TAFA4: variants seen among roughly 807,000 people sequenced by gnomAD.
TAFA4 encodes the protein chemokine-like protein TAFA-4.
In TAFA4, 20 loss-of-function variants were observed where a neutral mutation model predicts 21.1. That is an observed-to-expected ratio of 0.95 (90% CI 0.67 to 1.38). The LOEUF (loss-of-function observed/expected upper bound fraction) is 1.38, where lower values mean the gene tolerates loss of function less well. Among genes scored for constraint, TAFA4 ranks in the 40% most tolerant of loss-of-function variants. The pLI is 0.00. For missense variants in TAFA4, 211 were observed against 180.9 expected (o/e 1.17, Z -0.95); for synonymous variants, 71 against 67.4 (o/e 1.05, Z -0.26).
intron 3 of TAFA4, among the ~76,000 whole-genome samples, chr3:68,764,724 G>A (rs1702816111): frequency 6.6e-6 from 1 of 152,166 alleles, no homozygotes; most frequent in Admixed American, 6.5e-5. Flanking sequence ...ATTGCCTAGT[G>A]CTTGTAAAGG....
chr3:68,737,587 A>G (rs1275570921), intron 5 of TAFA4, among the ~76,000 whole-genome samples: 1 of 152,210 alleles, frequency 6.6e-6, no homozygotes, highest in South Asian at 2.1e-4. Flanking sequence ...AATATCAGCT[A>G]AAGTTCCCAT....
intron 3 of TAFA4, among the ~76,000 whole-genome samples, chr3:68,806,016 AT>A (rs1703691658): frequency 6.6e-6 from 1 of 152,176 alleles, no homozygotes. Context: ...AAATAAAAAA[AT>A]AAATTATCAG....
intron 5 of TAFA4, among the ~76,000 whole-genome samples, chr3:68,737,199 AAT>A (rs1702256748): frequency 6.6e-6 from 1 of 152,196 alleles, no homozygotes; most frequent in East Asian, 1.9e-4. Context: ...TGATGGATGT[AAT>A]ACCCTAATTC....
At chr3:68,767,420 A>G (rs894039623) in intron 3 of TAFA4, among the ~76,000 whole-genome samples, 6 of 152,152 alleles carry the variant, frequency 3.9e-5, no homozygotes, top group South Asian at 2.1e-4. Context: ...CATAAAATGC[A>G]TAAGCTACAA....
intron 3 of TAFA4, among the ~76,000 whole-genome samples, chr3:68,797,759 G>T (rs1476906021): frequency 6.6e-6 from 1 of 151,944 alleles, no homozygotes; most frequent in Admixed American, 6.6e-5. Flanking sequence ...CATAAAGACA[G>T]AAAGTAGAAC....
intron 3 of TAFA4, 52 bp downstream of exon 3, chr3:68,880,662 AATGTGGACTCTGACAT>A: frequency 1.5e-6 from 2 of 1,325,870 alleles, no homozygotes; most frequent in Non-Finnish European, 2.2e-6. Flanking sequence ...CTGTGTCTAA[AATGTGGACTCTGACAT>A]TTGGAGGGGT....
intron 3 of TAFA4, among the ~76,000 whole-genome samples, chr3:68,830,106 C>A (rs946514493): frequency 1.2e-4 from 19 of 152,178 alleles, no homozygotes; most frequent in African/African-American, 3.4e-4. Context: ...TGCTAACGGT[C>A]TATCAATTTT....
At chr3:68,871,063 C>T (rs887283863) in intron 3 of TAFA4, among the ~76,000 whole-genome samples, 14 of 152,022 alleles carry the variant, frequency 9.2e-5, no homozygotes, top group Admixed American at 7.9e-4. Context: ...ACAACAGATG[C>T]GGTAGAGGAT....
At chr3:68,850,222 G>C (rs557851824) in intron 3 of TAFA4, among the ~76,000 whole-genome samples, 21 of 152,238 alleles carry the variant, frequency 1.4e-4, no homozygotes, top group South Asian at 6.2e-4. Context: ...CTAAGGTAGG[G>C]AATTGAGGAC....
intron 3 of TAFA4, among the ~76,000 whole-genome samples, chr3:68,819,734 A>G (rs13094647): frequency 0.36 from 54,477 of 152,032 alleles, 11,345 homozygotes; most frequent in East Asian, 0.92. Context: ...AAGCCACAGT[A>G]AGATATCCCT....
intron 3 of TAFA4, among the ~76,000 whole-genome samples, chr3:68,812,066 G>A (rs1230516855): frequency 6.6e-6 from 1 of 152,132 alleles, no homozygotes; most frequent in Admixed American, 6.6e-5. Flanking sequence ...TTCATATCCA[G>A]CCAAACTAAG....
intron 3 of TAFA4, among the ~76,000 whole-genome samples, chr3:68,826,881 A>C (rs1278057434): frequency 6.6e-6 from 1 of 152,088 alleles, no homozygotes; most frequent in Non-Finnish European, 1.5e-5. Context: ...AATTTCAAAA[A>C]ATTTCTGTAT....
intron 3 of TAFA4, among the ~76,000 whole-genome samples, chr3:68,846,488 T>C (rs1294969300): frequency 6.6e-6 from 1 of 152,002 alleles, no homozygotes; most frequent in African/African-American, 2.4e-5. Context: ...GAGGAGTCTG[T>C]TATTGCCCAT....
intron 3 of TAFA4, among the ~76,000 whole-genome samples, chr3:68,841,197 C>A (rs184654638): frequency 0.014 from 1,762 of 125,060 alleles, 296 homozygotes; most frequent in African/African-American, 0.049. Context: ...GTGGCGCGCG[C>A]CTGTAGTCCC....
chr3:68,804,163 T>C (rs1703635344), intron 3 of TAFA4, among the ~76,000 whole-genome samples: 1 of 152,066 alleles, frequency 6.6e-6, no homozygotes, highest in African/African-American at 2.4e-5. Flanking sequence ...ACATCATGAA[T>C]TCAATTCAAC....
At chr3:68,845,590 G>A (rs956890410) in intron 3 of TAFA4, among the ~76,000 whole-genome samples, 1 of 152,200 alleles carries the variant, frequency 6.6e-6, no homozygotes, top group African/African-American at 2.4e-5. Flanking sequence ...TTGCCCATTA[G>A]TTGATGCAGT....
intron 1 of TAFA4, among the ~76,000 whole-genome samples, chr3:68,911,907 G>C (rs900964746): frequency 6.6e-6 from 1 of 152,128 alleles, no homozygotes; most frequent in African/African-American, 2.4e-5. Flanking sequence ...ATCAGCCCAA[G>C]CGCTGGGAAA....
chr3:68,873,361 C>CACACACACACACACACACAA (rs1559550161), intron 3 of TAFA4, among the ~76,000 whole-genome samples: 1 of 145,062 alleles, frequency 6.9e-6, no homozygotes, highest in East Asian at 2.8e-4. Flanking sequence ...CACACACACA[C>CACACACACACACACACACAA]ACACACACAC....
At position 68,887,137 on chromosome 3, in the gene TAFA4, G is replaced by A. The variant is rs118060454; in HGVS notation, c.-122-1827C>T. On this transcript the variant is annotated intron_variant, in intron 1 of 5. Transcript: ENST00000295569. Reference sequence around the variant, plus strand: ...TTATCTACTTCCAAAACACAGTGATGGAACAGGCATAAAACAGACATTCCC... The same window carrying A: ...TTATCTACTTCCAAAACACAGTGATAGAACAGGCATAAAACAGACATTCCC... Among the ~76,000 whole-genome samples, 81 of 152,284 alleles carry A rather than the reference G, an allele frequency of 5.3e-4. No individual in the cohort carries two copies. In the East Asian group the frequency reaches 0.013, roughly 24 times the overall value.
Sources: gnomAD v4.1 joint callset for allele counts (sites outside exome capture counted in the v4.1 genomes callset) on GRCh38, gnomAD v4.1.1 for gene constraint, MANE v1.5 for transcripts, NCBI Gene and HGNC (gene_info 2026-07-23, HGNC 2026-07-21) for gene names.